Variants in LDLRAD3 observed in about 807,000 individuals in gnomAD.
The protein encoded by LDLRAD3 is low density lipoprotein receptor class A domain containing 3.
Under a neutral mutation model 29.4 loss-of-function variants are expected in LDLRAD3, and 20 were observed. The ratio of observed to expected loss-of-function variants is 0.68; its 90% CI spans 0.48 to 0.99. LDLRAD3 has a LOEUF of 0.99. LDLRAD3 is among the 50% of genes least tolerant of loss of function. The probability of loss-of-function intolerance (pLI) is 0.00; values close to 1 mark genes in which losing one functional copy is unlikely to be tolerated. For missense variants in LDLRAD3, 420 were observed against 454.3 expected (o/e 0.92, Z 0.69); for synonymous variants, 157 against 192.7 (o/e 0.81, Z 1.53).
chr11:35,981,569 T>C (rs1812151327), intron 1 of LDLRAD3, among the ~76,000 whole-genome samples: 1 of 152,214 alleles, frequency 6.6e-6, no homozygotes, highest in African/African-American at 2.4e-5. Flanking sequence ...CCTCAGATTT[T>C]TTTAGGAGTA....
At chr11:36,020,414 A>G (rs890278579) in intron 1 of LDLRAD3, among the ~76,000 whole-genome samples, 1 of 152,202 alleles carries the variant, frequency 6.6e-6, no homozygotes, top group African/African-American at 2.4e-5. Context: ...TGTCCACAAG[A>G]TGGAGGAATA....
rs1178702448 is a variant in LDLRAD3, at chr11:36,232,086, GT to G, written c.*2693del. The G allele has an allele frequency of 6.6e-6, 1 of 152,124 alleles. No homozygotes were observed. The highest frequency in any genetic ancestry group is 1.9e-4 in the East Asian group (1 of 5,198). 9.4% of individuals were successfully genotyped at this position (152,124 alleles called of 1,614,324 possible). ...GCTTTTTGTGTTTTGGTTAGGCTTG[GT>G]TTTGTTTTTTAATTTTTATACTTTC... On this transcript the variant is annotated 3_prime_UTR_variant, in exon 6 of 6. Coordinates refer to ENST00000315571, the MANE Select transcript of LDLRAD3 (RefSeq NM_174902.4).
chr11:36,178,692 T>A (rs1253223923), intron 4 of LDLRAD3, among the ~76,000 whole-genome samples: 1 of 152,256 alleles, frequency 6.6e-6, no homozygotes, highest in East Asian at 1.9e-4. Context: ...TGAAATATTC[T>A]GTCTCCATCT....
intron 4 of LDLRAD3, chr11:36,183,969 T>C (rs978288405): frequency 2.1e-4 from 66 of 316,696 alleles, no homozygotes; most frequent in Non-Finnish European, 3.1e-4. Flanking sequence ...TCATCTTTTT[T>C]TTTTTTTTTT....
At chr11:36,071,935 C>T (rs1852911245) in intron 2 of LDLRAD3, among the ~76,000 whole-genome samples, 1 of 152,228 alleles carries the variant, frequency 6.6e-6, no homozygotes, top group Non-Finnish European at 1.5e-5. Flanking sequence ...ACCAAAATGT[C>T]CACAGAATAC....
At chr11:36,092,553 T>C (rs116394394) in intron 3 of LDLRAD3, among the ~76,000 whole-genome samples, 2,654 of 152,290 alleles carry the variant, frequency 0.017, 88 homozygotes, top group African/African-American at 0.06. Flanking sequence ...GTCTCTGTTA[T>C]CTATTTTTCC....
chr11:36,140,823 A>C (rs1404640150), intron 4 of LDLRAD3, among the ~76,000 whole-genome samples: 1 of 152,206 alleles, frequency 6.6e-6, no homozygotes, highest in African/African-American at 2.4e-5. Context: ...GTTGCAAAAC[A>C]AACTGAAGAA....
At chr11:36,126,411 A>G (rs565486383) in intron 4 of LDLRAD3, among the ~76,000 whole-genome samples, 87 of 152,200 alleles carry the variant, frequency 5.7e-4, no homozygotes, top group African/African-American at 1.8e-3. Flanking sequence ...AATGTAATCA[A>G]TATGCTCAGA....
chr11:36,104,862 CTT>C (rs1310407885), intron 4 of LDLRAD3, among the ~76,000 whole-genome samples: 2 of 152,164 alleles, frequency 1.3e-5, no homozygotes, highest in Non-Finnish European at 2.9e-5. Flanking sequence ...GGGCCCAGGA[CTT>C]TCAGGCGGTC....
chr11:36,178,191 T>C (rs1047140618), intron 4 of LDLRAD3, among the ~76,000 whole-genome samples: 1 of 152,226 alleles, frequency 6.6e-6, no homozygotes, highest in Non-Finnish European at 1.5e-5. Context: ...CACAGTTTTA[T>C]ACCACTTTGT....
At chr11:36,102,882 A>T (rs1480264988) in intron 4 of LDLRAD3, among the ~76,000 whole-genome samples, 1 of 151,900 alleles carries the variant, frequency 6.6e-6, no homozygotes, top group Non-Finnish European at 1.5e-5. Context: ...GTGGCGGGCA[A>T]CCTCTGATGA....
At chr11:36,070,570 G>A (rs924505057) in intron 2 of LDLRAD3, among the ~76,000 whole-genome samples, 4 of 152,110 alleles carry the variant, frequency 2.6e-5, no homozygotes, top group East Asian at 1.9e-4. Flanking sequence ...TTCTTGGAGC[G>A]GCAATAACAT....
intron 4 of LDLRAD3, among the ~76,000 whole-genome samples, chr11:36,223,351 G>C (rs529781646): frequency 5.9e-5 from 9 of 152,162 alleles, no homozygotes; most frequent in Non-Finnish European, 1.3e-4. Flanking sequence ...AAAACCTCAC[G>C]TGTTTACACA....
chr11:36,131,678 T>C (rs1853927670), intron 4 of LDLRAD3, among the ~76,000 whole-genome samples: 1 of 152,256 alleles, frequency 6.6e-6, no homozygotes, highest in Admixed American at 6.5e-5. Flanking sequence ...TACTGAATTA[T>C]TGTGATGATT....
intron 4 of LDLRAD3, among the ~76,000 whole-genome samples, chr11:36,179,118 C>A (rs1854719822): frequency 6.6e-6 from 1 of 152,120 alleles, no homozygotes; most frequent in South Asian, 2.1e-4. Flanking sequence ...CATGGGAATC[C>A]CAGGGTGTTC....
At chr11:36,150,082 G>C (rs965699496) in intron 4 of LDLRAD3, among the ~76,000 whole-genome samples, 1 of 152,128 alleles carries the variant, frequency 6.6e-6, no homozygotes, top group African/African-American at 2.4e-5. Context: ...CAGGCTGCAG[G>C]GGGTATCGTT....
At chr11:35,995,089 T>C (rs960693104) in intron 1 of LDLRAD3, among the ~76,000 whole-genome samples, 1 of 152,240 alleles carries the variant, frequency 6.6e-6, no homozygotes. Flanking sequence ...ATGTTCTTAA[T>C]GTCATCTGAA....
At chr11:36,040,882 A>T (rs1852372578) in intron 2 of LDLRAD3, among the ~76,000 whole-genome samples, 1 of 152,160 alleles carries the variant, frequency 6.6e-6, no homozygotes, top group South Asian at 2.1e-4. Context: ...ATAATTGAAA[A>T]GTTACTTTTT....
At chr11:36,030,443 T>A (rs1023838908) in intron 1 of LDLRAD3, among the ~76,000 whole-genome samples, 2 of 35,964 alleles carry the variant, frequency 5.6e-5, no homozygotes, top group African/African-American at 1.4e-4. Flanking sequence ...GGAGTGTGTG[T>A]GTGTGTGTGT....
Sources: allele counts gnomAD v4.1 joint callset (sites outside exome capture counted in the v4.1 genomes callset), GRCh38; gene constraint gnomAD v4.1.1; transcripts MANE v1.5; gene names NCBI Gene and HGNC (gene_info 2026-07-23, HGNC 2026-07-21).